SAMD5: variants seen among roughly 807,000 people sequenced by gnomAD.
SAMD5 encodes the protein sterile alpha motif domain containing 5.
Under a neutral mutation model 11.3 loss-of-function variants are expected in SAMD5, and 13 were observed. The observed-to-expected ratio is 1.15, with a 90% CI of 0.75 to 1.83. The LOEUF (loss-of-function observed/expected upper bound fraction) is 1.83, where lower values mean the gene tolerates loss of function less well. Among genes scored for constraint, SAMD5 ranks in the 40% most tolerant of loss-of-function variants. The probability of loss-of-function intolerance (pLI) is 0.00; values close to 1 mark genes in which losing one functional copy is unlikely to be tolerated. For synonymous variants in SAMD5, 129 were observed against 111.3 expected (o/e 1.16, Z -1.00); for missense variants, 255 against 239.1 (o/e 1.07, Z -0.44).
chr6:147,728,192 G>A (rs1054144507), intron 1 of SAMD5, among the ~76,000 whole-genome samples: 2 of 152,178 alleles, frequency 1.3e-5, no homozygotes, highest in South Asian at 2.1e-4. Context: ...TTGGGAGAAC[G>A]AGGTGGGCAA....
chr6:147,568,832 A>C lies in SAMD5; in HGVS notation c.*4376A>C. On this transcript the variant is annotated 3_prime_UTR_variant, in exon 2 of 2. Transcript: ENST00000367474. ...TTCAGCTTTACATTATTAATCTCTG[A>C]GGACATAAAATCAAATAACTTTCTA... 1.1e-6 allele frequency: 1 copy of C among 945,762 alleles called. No individual in the cohort carries two copies. The highest frequency in any genetic ancestry group is 1.3e-6 in the Non-Finnish European group (1 of 793,786). 58.6% of individuals were successfully genotyped at this position (945,762 alleles called of 1,614,324 possible). A position where few individuals can be genotyped will look rare whatever the true frequency, so the allele number is the denominator to read the frequency against.
intron 1 of SAMD5, among the ~76,000 whole-genome samples, chr6:147,721,269 G>T (rs1204832244): frequency 7.0e-6 from 1 of 142,018 alleles, no homozygotes; most frequent in East Asian, 2.0e-4. Context: ...CTGAGGAATC[G>T]CCACACTGAC....
At chr6:147,938,470 A>C in the SAMD5 span, among the ~76,000 whole-genome samples, 1 of 152,234 alleles carries the variant, frequency 6.6e-6, no homozygotes, top group Non-Finnish European at 1.5e-5. Context: ...GACTAGTAGG[A>C]GAGATGGACC....
the SAMD5 span, among the ~76,000 whole-genome samples, chr6:147,916,305 C>G: frequency 1.5e-4 from 23 of 152,148 alleles, no homozygotes; most frequent in East Asian, 4.1e-3. Context: ...ATTTCTAGTT[C>G]TAGATCCTTG....
chr6:147,926,851 A>G, the SAMD5 span, among the ~76,000 whole-genome samples: 2 of 152,218 alleles, frequency 1.3e-5, no homozygotes, highest in Non-Finnish European at 2.9e-5. Context: ...ATTTTTTTAT[A>G]TGGTGTAAGG....
At chr6:147,871,406 C>T in the SAMD5 span, among the ~76,000 whole-genome samples, 1 of 152,006 alleles carries the variant, frequency 6.6e-6, no homozygotes, top group Admixed American at 6.6e-5. Flanking sequence ...TGTTATTAGG[C>T]AACTGTTTAA....
chr6:147,602,003 G>A (rs776161097), intron 1 of SAMD5, among the ~76,000 whole-genome samples: 14 of 152,204 alleles, frequency 9.2e-5, no homozygotes, highest in African/African-American at 3.1e-4. Context: ...CTCCGATCTC[G>A]TTAGTATAAC....
At chr6:147,784,136 A>G in the SAMD5 span, among the ~76,000 whole-genome samples, 2 of 152,168 alleles carry the variant, frequency 1.3e-5, no homozygotes, top group Non-Finnish European at 2.9e-5. Context: ...ACGGTGGTAG[A>G]AGAGAAAAAT....
chr6:147,779,577 C>T, the SAMD5 span, among the ~76,000 whole-genome samples: 15 of 151,452 alleles, frequency 9.9e-5, no homozygotes, highest in East Asian at 5.8e-4. Flanking sequence ...CTCACTGCAA[C>T]GTCTGCCTCC....
intron 1 of SAMD5, among the ~76,000 whole-genome samples, chr6:147,700,219 A>T (rs1321948264): frequency 3.3e-5 from 5 of 152,122 alleles, no homozygotes; most frequent in Non-Finnish European, 7.4e-5. Context: ...TATAATGATA[A>T]ATCTAATTTT....
intron 1 of SAMD5, among the ~76,000 whole-genome samples, chr6:147,614,477 A>AC (rs1307336304): frequency 1.3e-5 from 2 of 151,742 alleles, no homozygotes; most frequent in African/African-American, 4.9e-5. Context: ...TCCAAAAAAA[A>AC]AAAGATAAGC....
intron 1 of SAMD5, among the ~76,000 whole-genome samples, chr6:147,531,199 TTAGGTTCTA>T (rs2128441122): frequency 6.6e-6 from 1 of 151,990 alleles, no homozygotes; most frequent in South Asian, 2.1e-4. Context: ...TAGAGGTTCT[TTAGGTTCTA>T]AAAAATTACT....
the SAMD5 span, among the ~76,000 whole-genome samples, chr6:147,950,071 C>T: frequency 1.3e-5 from 2 of 152,128 alleles, no homozygotes; most frequent in African/African-American, 2.4e-5. Context: ...AAAACCAAGA[C>T]GGAATATGAA....
the SAMD5 span, among the ~76,000 whole-genome samples, chr6:147,886,758 A>G: frequency 0.016 from 2,464 of 152,312 alleles, 61 homozygotes; most frequent in African/African-American, 0.057. Flanking sequence ...TCTGGAGGCG[A>G]CTACTGGTAA....
the SAMD5 span, among the ~76,000 whole-genome samples, chr6:147,811,492 T>A: frequency 3.3e-5 from 5 of 152,148 alleles, no homozygotes; most frequent in Non-Finnish European, 7.4e-5. Context: ...AACAGAACAG[T>A]AGCAGTGCTT....
intron 1 of SAMD5, among the ~76,000 whole-genome samples, chr6:147,691,820 C>T (rs1344001417): frequency 1.3e-5 from 2 of 151,490 alleles, no homozygotes; most frequent in Non-Finnish European, 2.9e-5. Context: ...TTTTTCCAGT[C>T]TTAGCTTGTT....
chr6:147,677,840 C>G (rs909283507), intron 1 of SAMD5, among the ~76,000 whole-genome samples: 3 of 152,116 alleles, frequency 2.0e-5, no homozygotes, highest in Non-Finnish European at 2.9e-5. Flanking sequence ...AGCAAGCCAG[C>G]CCCTTCCATG....
the SAMD5 span, among the ~76,000 whole-genome samples, chr6:147,785,031 T>A: frequency 6.6e-6 from 1 of 152,202 alleles, no homozygotes; most frequent in African/African-American, 2.4e-5. Context: ...TGGCCCCAGA[T>A]TATTTGAGAA....
the SAMD5 span, among the ~76,000 whole-genome samples, chr6:147,752,030 C>T: frequency 6.6e-6 from 1 of 152,148 alleles, no homozygotes; most frequent in Admixed American, 6.5e-5. Flanking sequence ...AGTTACATCC[C>T]TGGCTCCATG....
Sources: gnomAD v4.1 joint callset for allele counts (sites outside exome capture counted in the v4.1 genomes callset) on GRCh38, gnomAD v4.1.1 for gene constraint, MANE v1.5 for transcripts, NCBI Gene and HGNC (gene_info 2026-07-23, HGNC 2026-07-21) for gene names.